Variants in ORC2 observed in about 807,000 individuals in gnomAD.
The protein encoded by ORC2 is origin recognition complex subunit 2, also known as origin recognition complex protein 2 homolog.
ORC2 carries 37 observed loss-of-function variants against 77.7 expected under a neutral mutation model. The observed-to-expected ratio is 0.48, with a 90% CI of 0.37 to 0.63. The LOEUF (loss-of-function observed/expected upper bound fraction) is 0.63. Among genes scored for constraint, ORC2 ranks in the 20% least tolerant of loss-of-function variants. The pLI, the probability that ORC2 is intolerant of heterozygous loss-of-function variation, is 0.00. For synonymous variants in ORC2, 201 were observed against 229.5 expected, an observed-to-expected ratio of 0.88 and a Z score of 1.12; for missense variants, 557 against 661.9, an observed-to-expected ratio of 0.84 and a Z score of 1.74.
At position 200,948,843 on chromosome 2, in the gene ORC2, T is replaced by C. The variant is rs548209222; in HGVS notation, c.328+711A>G. Among the ~76,000 whole-genome samples, 6 of 152,052 alleles carry C rather than the reference T, an allele frequency of 3.9e-5. No homozygotes were observed. The South Asian group carries it at 1.2e-3, about 32-fold the overall frequency. ...GCCTCAGCTTCCCAAAGTGCTGGGA[T>C]TACAGCCGTGAGCAACCATGCCCAG... is the stretch of plus-strand genomic sequence containing the variant. On this transcript the variant is annotated intron_variant, in intron 5 of 17. Coordinates refer to ENST00000234296, the MANE Select transcript of ORC2 (RefSeq NM_006190.5).
At chr2:200,927,000 AGGAAAGG>A (rs1575159806) in intron 11 of ORC2, 100 bp from the exon 12 acceptor site, 2 of 1,287,662 alleles carry the variant, frequency 1.6e-6, no homozygotes, top group East Asian at 4.7e-5. Context: ...TAAAAAATAC[AGGAAAGG>A]GGTAGGCGCA....
chr2:200,910,047 G>A lies in ORC2; in HGVS notation c.*1254C>T, dbSNP rs1337849551. 6.6e-6 allele frequency: 1 copy of A among 152,120 alleles called. No homozygotes were observed. The highest frequency in any genetic ancestry group is 2.4e-5 in the African/African-American group (1 of 41,410). 9.4% of individuals were successfully genotyped at this position (152,120 alleles called of 1,614,324 possible). On this transcript the variant is annotated 3_prime_UTR_variant, in exon 18 of 18. Transcript: ENST00000234296. ...CAAAGTGTTGTGATTACAGGCATAA[G>A]CCATTATGCCTGGCCAAAATTACTT...
At chr2:200,944,994 C>T (rs1022351268) in intron 5 of ORC2, among the ~76,000 whole-genome samples, 1 of 152,202 alleles carries the variant, frequency 6.6e-6, no homozygotes, top group Admixed American at 6.5e-5. Context: ...TATGTAGCCA[C>T]ACCATCCATA....
chr2:200,934,086 G>GT (rs1368215602), intron 9 of ORC2, 112 bp from the exon 10 acceptor site: 12 of 536,502 alleles, frequency 2.2e-5, no homozygotes, highest in East Asian at 2.0e-4. Context: ...TTACTTGGTA[G>GT]TATTTTCTTT....
At chr2:200,929,572 T>C (rs886090242) in intron 11 of ORC2, among the ~76,000 whole-genome samples, 1 of 152,070 alleles carries the variant, frequency 6.6e-6, no homozygotes, top group African/African-American at 2.4e-5. Context: ...AGAGAATTGC[T>C]TGTGCCCAGG....
In ORC2 at chr2:200,963,570, G is replaced by A. The variant is rs932930878; in HGVS notation, c.-140C>T. The stretch of plus-strand genomic sequence containing the variant: ...CCGCTGAGTCGCCGCCGCAGGGAAG[G>A]TACCTTCGGCCCCAACGGGAAAAGC... On this transcript the variant is annotated 5_prime_UTR_variant, in exon 1 of 18. Coordinates refer to ENST00000234296, the MANE Select transcript of ORC2 (RefSeq NM_006190.5). The A allele has an allele frequency of 7.5e-6, 3 of 398,604 alleles. No homozygotes were observed. The highest frequency in any genetic ancestry group is 6.3e-4 in the Middle Eastern group (1 of 1,588). 24.7% of individuals were successfully genotyped at this position (398,604 alleles called of 1,614,324 possible).
chr2:200,943,375 C>T (rs537339283), intron 5 of ORC2, among the ~76,000 whole-genome samples: 1 of 151,680 alleles, frequency 6.6e-6, no homozygotes, highest in African/African-American at 2.4e-5. Context: ...TTCTTTCTCT[C>T]GCTTTTTTTT....
At chr2:200,919,099 G>A (rs2040711886) in intron 15 of ORC2, among the ~76,000 whole-genome samples, 1 of 152,098 alleles carries the variant, frequency 6.6e-6, no homozygotes, top group Non-Finnish European at 1.5e-5. Context: ...CATAGTGTTG[G>A]GATTACAGGC....
chr2:200,926,885 A>T lies in ORC2; in HGVS notation c.933T>A (p.Ile311=). 3.7e-6 allele frequency: 6 copies of T among 1,613,954 alleles called. No individual in the cohort carries two copies. Among genetic ancestry groups the T allele is most frequent in the Non-Finnish European group, 5.1e-6 (6 of 1,179,914 alleles). ...TCTTAGAACCCAAACCATAAAGCAC[A>T]ATGTTGAACCCAAGGCTGTTAGGAA... ...WMLQLHLGFN[I]VLYGLGSKRD... is the part of the protein sequence containing the mutation. The change falls in exon 12 of 18, where the codon ATT becomes ATA. Residue 311 remains isoleucine (I), a synonymous_variant. Transcript: ENST00000234296.
At chr2:200,938,105 A>G in intron 7 of ORC2, 139 bp from the exon 8 acceptor site, 1 of 589,652 alleles carries the variant, frequency 1.7e-6, no homozygotes, top group South Asian at 2.2e-5. Flanking sequence ...TCCTAGAACT[A>G]GAAGATTATG....
intron 4 of ORC2, among the ~76,000 whole-genome samples, chr2:200,953,981 T>A (rs1205927801): frequency 1.3e-5 from 2 of 152,240 alleles, no homozygotes; most frequent in East Asian, 1.9e-4. Context: ...CACGCCCAGC[T>A]AATTTTTGTA....
intron 5 of ORC2, among the ~76,000 whole-genome samples, chr2:200,947,527 C>T (rs1344244345): frequency 1.3e-5 from 2 of 152,114 alleles, no homozygotes; most frequent in African/African-American, 4.8e-5. Flanking sequence ...TATAATTATA[C>T]GTTATAAGCC....
In ORC2 at chr2:200,934,728, C is replaced by A. The variant is rs959117711; in HGVS notation, c.709-754G>T. On this transcript the variant is annotated intron_variant, in intron 9 of 17. Coordinates refer to ENST00000234296, the MANE Select transcript of ORC2 (RefSeq NM_006190.5). Reference sequence around the variant, plus strand: ...TAACAAAAGAAAAAAAAGAAACCCACAAACAAATAAAAAAACTGGCCTACT... The same window carrying A: ...TAACAAAAGAAAAAAAAGAAACCCAAAAACAAATAAAAAAACTGGCCTACT... Among the ~76,000 whole-genome samples, 6 of 152,010 alleles carry A rather than the reference C, an allele frequency of 3.9e-5. No individual in the cohort carries two copies. In the South Asian group the frequency reaches 1.0e-3, roughly 26 times the overall value.
chr2:200,928,387 A>G (rs1400045183), intron 11 of ORC2, among the ~76,000 whole-genome samples: 2 of 152,120 alleles, frequency 1.3e-5, no homozygotes, highest in African/African-American at 2.4e-5. Context: ...TTCCAAACCC[A>G]TACAAGGTAA....
At position 200,913,943 on chromosome 2, in the gene ORC2, G is replaced by A. The variant is rs748148796; in HGVS notation, c.1516C>T (p.Pro506Ser). ...IKYQLDNQDN[P>S]SYIGLSFQDF... is the part of the protein sequence containing the mutation. ...AAATATTGGATACCAATGTAAGAAG[G>A]GTTATCCTGGTTGTCCAGCTGGTAT... Residue 506 changes from proline (P) to serine (S), a missense_variant, in exon 16 of 18, where the codon CCT becomes TCT. Coordinates refer to ENST00000234296, the MANE Select transcript of ORC2 (RefSeq NM_006190.5). The A allele has an allele frequency of 1.3e-6, 2 of 1,589,054 alleles. No individual in the cohort carries two copies. Among genetic ancestry groups the A allele is most frequent in the South Asian group, 1.2e-5 (1 of 85,428 alleles).
At chr2:200,933,021 C>T (rs1264489755) in intron 10 of ORC2, among the ~76,000 whole-genome samples, 2 of 152,150 alleles carry the variant, frequency 1.3e-5, no homozygotes, top group Non-Finnish European at 2.9e-5. Context: ...ATCTTTTTGC[C>T]TCTAAGTCTG....
chr2:200,954,578 C>T (rs1319302971), intron 4 of ORC2, among the ~76,000 whole-genome samples: 3 of 152,144 alleles, frequency 2.0e-5, no homozygotes, highest in Admixed American at 6.5e-5. Context: ...AACGGTTCCA[C>T]GTTCTCTAAA....
intron 13 of ORC2, chr2:200,921,572 A>G (rs918916954): frequency 6.6e-6 from 1 of 152,342 alleles, no homozygotes; most frequent in Non-Finnish European, 1.5e-5. Context: ...TTGAGAAGAT[A>G]TGTCATTTAC....
intron 8 of ORC2, among the ~76,000 whole-genome samples, chr2:200,937,561 C>A (rs1173910371): frequency 6.6e-6 from 1 of 152,130 alleles, no homozygotes; most frequent in Non-Finnish European, 1.5e-5. Context: ...TTTTTAATTT[C>A]CTAGAAGGCA....
Sources: allele counts gnomAD v4.1 joint callset (sites outside exome capture counted in the v4.1 genomes callset), GRCh38; gene constraint gnomAD v4.1.1; transcripts MANE v1.5; gene names NCBI Gene and HGNC (gene_info 2026-07-23, HGNC 2026-07-21).